The following HPSE2 variants were observed in gnomAD, a reference collection of about 807,000 sequenced individuals.
HPSE2 encodes heparanase 2 (inactive).
In HPSE2, 38 loss-of-function variants were observed where a neutral mutation model predicts 60.5. That is an observed-to-expected ratio of 0.63 (90% CI 0.48 to 0.82). HPSE2 has a LOEUF of 0.82. Ranked by LOEUF, HPSE2 falls within the 40% of genes least tolerant of loss-of-function variation. The pLI is 0.00. For synonymous variants in HPSE2, 295 were observed against 293.2 expected (o/e 1.01, Z -0.06); for missense variants, 713 against 740.4 (o/e 0.96, Z 0.43).
At chr10:98,658,344 C>T (rs1298837496) in intron 6 of HPSE2, among the ~76,000 whole-genome samples, 1 of 152,164 alleles carries the variant, frequency 6.6e-6, no homozygotes, top group Non-Finnish European at 1.5e-5. Context: ...TTTGTGAATA[C>T]TAGAATTTGA....
At chr10:99,218,826 T>C (rs1458967651) in intron 2 of HPSE2, among the ~76,000 whole-genome samples, 1 of 152,210 alleles carries the variant, frequency 6.6e-6, no homozygotes, top group African/African-American at 2.4e-5. Flanking sequence ...TATAGATCCT[T>C]TTGAATCTAC....
At chr10:98,877,716 T>C (rs1382471487) in intron 3 of HPSE2, among the ~76,000 whole-genome samples, 1 of 151,950 alleles carries the variant, frequency 6.6e-6, no homozygotes, top group Non-Finnish European at 1.5e-5. Context: ...TGCAGTTTTC[T>C]CACTTCCAAA....
At chr10:99,098,236 C>G (rs771338133) in intron 3 of HPSE2, among the ~76,000 whole-genome samples, 2 of 152,046 alleles carry the variant, frequency 1.3e-5, no homozygotes, top group South Asian at 2.1e-4. Flanking sequence ...AAAACCAATA[C>G]AGCAAAACAA....
intron 3 of HPSE2, among the ~76,000 whole-genome samples, chr10:99,130,906 G>A (rs545415220): frequency 6.6e-6 from 1 of 152,144 alleles, no homozygotes; most frequent in Admixed American, 6.6e-5. Context: ...GGCTGCCAGT[G>A]AAAGAGCCAA....
chr10:99,251,862 CAAAAAAAAAAAAAAAA>C, the HPSE2 span, among the ~76,000 whole-genome samples: 2,336 of 57,502 alleles, frequency 0.041, 137 homozygotes, highest in East Asian at 0.29. Flanking sequence ...CTCTCTCTAC[CAAAAAAAAAAAAAAAA>C]AAAAAAAAAA....
At chr10:99,109,813 CAATT>C (rs1376011215) in intron 3 of HPSE2, among the ~76,000 whole-genome samples, 2 of 151,942 alleles carry the variant, frequency 1.3e-5, no homozygotes, top group Non-Finnish European at 2.9e-5. Context: ...TCACAGATAA[CAATT>C]AAGTTGGAAG....
At chr10:99,295,736 A>C in the HPSE2 span, among the ~76,000 whole-genome samples, 1 of 152,230 alleles carries the variant, frequency 6.6e-6, no homozygotes, top group African/African-American at 2.4e-5. Context: ...GGAATCAAAA[A>C]ACTTATGCTG....
chr10:98,748,118 G>C (rs1333912623), intron 3 of HPSE2, among the ~76,000 whole-genome samples: 1 of 152,120 alleles, frequency 6.6e-6, no homozygotes, highest in African/African-American at 2.4e-5. Flanking sequence ...AACCAACATA[G>C]TGAAACTGGT....
intron 7 of HPSE2, among the ~76,000 whole-genome samples, chr10:98,635,383 T>C (rs950895586): frequency 1.3e-5 from 2 of 152,216 alleles, no homozygotes; most frequent in African/African-American, 4.8e-5. Context: ...GTACAGGGTA[T>C]GTATCCACAA....
At chr10:99,058,625 C>A (rs1958166729) in intron 3 of HPSE2, among the ~76,000 whole-genome samples, 2 of 152,302 alleles carry the variant, frequency 1.3e-5, no homozygotes, top group Middle Eastern at 3.4e-3. Flanking sequence ...ATCCTCAGCT[C>A]TTTCCAAGAT....
intron 5 of HPSE2, among the ~76,000 whole-genome samples, chr10:98,699,620 T>C (rs901580346): frequency 1.2e-4 from 15 of 124,166 alleles, no homozygotes; most frequent in African/African-American, 3.8e-4. Context: ...CTATTCAACA[T>C]AGTGTTGGAA....
At chr10:98,941,810 T>G (rs1273421085) in intron 3 of HPSE2, among the ~76,000 whole-genome samples, 1 of 135,770 alleles carries the variant, frequency 7.4e-6, no homozygotes, top group Non-Finnish European at 1.5e-5. Context: ...GGAGGCATCA[T>G]GCTACCTGAC....
chr10:98,872,250 G>A (rs917120875), intron 3 of HPSE2, among the ~76,000 whole-genome samples: 1 of 152,010 alleles, frequency 6.6e-6, no homozygotes, highest in African/African-American at 2.4e-5. Flanking sequence ...GGAACACAAG[G>A]ACATCCTGCT....
rs1179713002 is a variant in HPSE2 at position 98,533,267 on chromosome 10, G to A, written c.1321-43071C>T. On this transcript the variant is annotated intron_variant, in intron 9 of 11. Coordinates refer to ENST00000370552, the MANE Select transcript of HPSE2 (RefSeq NM_021828.5). Reference sequence around the variant, plus strand: ...ATGTCAGGAAGCATCACCATAATTTGAGGCTCAAACAGCGTAAAGTAGAAT... The same window carrying A: ...ATGTCAGGAAGCATCACCATAATTTAAGGCTCAAACAGCGTAAAGTAGAAT... Among the ~76,000 whole-genome samples the A allele has an allele frequency of 2.0e-5, 3 of 152,182 alleles. No homozygotes were observed. The South Asian group carries it at 6.2e-4, about 31-fold the overall frequency.
Position 98,636,308 on chromosome 10 carries a change from T to G in HPSE2, c.1098+5539A>C, listed in dbSNP as rs535194998. ...AGACTGGAGTGCAATGGCGTGGTCT[T>G]GGCTCACTGCAACCTCCGCCTCCTG... is the stretch of plus-strand genomic sequence containing the variant. On this transcript the variant is annotated intron_variant, in intron 7 of 11. Transcript: ENST00000370552. 9.2e-5 allele frequency among the ~76,000 whole-genome samples: 14 copies of G among 152,078 alleles called. No homozygotes were observed. In the East Asian group the frequency reaches 2.7e-3, roughly 29 times the overall value.
chr10:98,657,677 C>G (rs1040412950), intron 6 of HPSE2, among the ~76,000 whole-genome samples: 1 of 152,166 alleles, frequency 6.6e-6, no homozygotes, highest in South Asian at 2.1e-4. Flanking sequence ...GGGAAAGATT[C>G]AGTAAGCTCT....
intron 3 of HPSE2, among the ~76,000 whole-genome samples, chr10:98,773,736 T>A (rs1950286651): frequency 3.3e-5 from 5 of 152,150 alleles, no homozygotes; most frequent in Admixed American, 3.3e-4. Flanking sequence ...AATAAATCTA[T>A]ACGATGAAAT....
the HPSE2 span, among the ~76,000 whole-genome samples, chr10:99,263,694 T>A: frequency 1.3e-5 from 2 of 151,782 alleles, no homozygotes; most frequent in South Asian, 4.2e-4. Flanking sequence ...TTTCCACCTA[T>A]CAATCCCTCT....
At chr10:98,478,838 C>A (rs1227421534) in intron 11 of HPSE2, among the ~76,000 whole-genome samples, 1 of 152,178 alleles carries the variant, frequency 6.6e-6, no homozygotes, top group Non-Finnish European at 1.5e-5. Flanking sequence ...AACTTCTGTC[C>A]TATGGGCTAG....
Sources: gnomAD v4.1 joint callset for allele counts (sites outside exome capture counted in the v4.1 genomes callset) on GRCh38, gnomAD v4.1.1 for gene constraint, MANE v1.5 for transcripts, NCBI Gene and HGNC (gene_info 2026-07-23, HGNC 2026-07-21) for gene names.